The following LIFR variants were observed in gnomAD, a reference collection of about 807,000 sequenced individuals.
The protein encoded by LIFR is LIF receptor subunit alpha.
In LIFR, 84 loss-of-function variants were observed where a neutral mutation model predicts 122.2. That is an observed-to-expected ratio of 0.69 (90% CI 0.58 to 0.82). LIFR has a LOEUF of 0.82. Ranked by LOEUF, LIFR falls within the 40% of genes least tolerant of loss-of-function variation. LIFR has a pLI of 0.00. For synonymous variants in LIFR, 422 were observed against 434.7 expected, an observed-to-expected ratio of 0.97 and a Z score of 0.36; for missense variants, 1,294 against 1,311.6, an observed-to-expected ratio of 0.99 and a Z score of 0.21.
chr5:38,495,838 T>C (rs1275184530), intron 13 of LIFR, among the ~76,000 whole-genome samples: 2 of 152,196 alleles, frequency 1.3e-5, no homozygotes, highest in Admixed American at 1.3e-4. Flanking sequence ...GCACTAAATT[T>C]TAAAAACTAC....
At chr5:38,498,187 A>C (rs933261880) in intron 12 of LIFR, among the ~76,000 whole-genome samples, 1 of 152,184 alleles carries the variant, frequency 6.6e-6, no homozygotes, top group African/African-American at 2.4e-5. Flanking sequence ...GGCAGGCTTT[A>C]GTCCTAAGAC....
intron 5 of LIFR, among the ~76,000 whole-genome samples, chr5:38,519,080 GTCAAAATATT>G (rs1038719009): frequency 1.8e-4 from 28 of 152,320 alleles, no homozygotes; most frequent in African/African-American, 6.3e-4. Flanking sequence ...ATACAAAAGA[GTCAAAATATT>G]TTTTAAAAAT....
chr5:38,561,123 C>T (rs183195293), upstream of LIFR, among the ~76,000 whole-genome samples: 176 of 152,260 alleles, frequency 1.2e-3, no homozygotes, highest in African/African-American at 4.0e-3. Context: ...ACAGTTTCAT[C>T]AGGAGAAAGC....
chr5:38,605,077 C>T (rs180695410), intron 2 of LIFR, among the ~76,000 whole-genome samples: 19 of 152,124 alleles, frequency 1.2e-4, no homozygotes, highest in African/African-American at 3.1e-4. Flanking sequence ...AACAGGCCTC[C>T]GAGAGAATAG....
chr5:38,477,793 G>A lies in LIFR; in HGVS notation c.*3802C>T, dbSNP rs2112337754. On this transcript the variant is annotated 3_prime_UTR_variant, in exon 20 of 20. Coordinates refer to ENST00000453190, the MANE Select transcript of LIFR (RefSeq NM_001127671.2). ...CTCAGTCAAGAAAATTAGTTACTGA[G>A]CTTTCACGATGTGCCTAGTCTTTGT... The A allele has an allele frequency of 4.6e-6, 1 of 218,060 alleles. No individual in the cohort carries two copies. The highest frequency in any genetic ancestry group is 2.2e-5 in the African/African-American group (1 of 44,630). 13.5% of individuals were successfully genotyped at this position (218,060 alleles called of 1,614,324 possible).
At position 38,548,651 on chromosome 5, in the gene LIFR, A is replaced by C. The variant is rs1231131207; in HGVS notation, c.-20+7683T>G. Among the ~76,000 whole-genome samples, 9 of 152,230 alleles carry C rather than the reference A, an allele frequency of 5.9e-5. No homozygotes were observed. The East Asian group carries it at 1.3e-3, about 23-fold the overall frequency. ...CCCACTCTAACACCTCTATAAAAGGAAAGAAAGATCAGACCCTGACCTTCA... is the reference window on the plus strand; with the variant it reads ...CCCACTCTAACACCTCTATAAAAGGCAAGAAAGATCAGACCCTGACCTTCA... On this transcript the variant is annotated intron_variant, in intron 1 of 19. Transcript: ENST00000453190.
rs772312117 is a variant in LIFR at position 38,502,618 on chromosome 5, C to T, written c.1600+19G>A. 7.6e-6 allele frequency: 12 copies of T among 1,584,308 alleles called. No homozygotes were observed. In the East Asian group the frequency reaches 1.8e-4, roughly 24 times the overall value. On this transcript the variant is annotated intron_variant, in intron 11 of 19. Transcript: ENST00000453190. ...GAATACACAGTAATTATTAGCCATA[C>T]ATCACTTAGTTAACTTACTGGCTTC...
In LIFR at chr5:38,475,097, G is replaced by A. The variant is rs1003726332; in HGVS notation, c.*6498C>T. On this transcript the variant is annotated 3_prime_UTR_variant, in exon 20 of 20. Coordinates refer to ENST00000453190, the MANE Select transcript of LIFR (RefSeq NM_001127671.2). The stretch of plus-strand genomic sequence containing the variant: ...CCAAGCATACTAGTTTTACATTTAT[G>A]GTGTTTTAGTAATAGATTATTTTCT... 3.9e-5 allele frequency: 7 copies of A among 179,526 alleles called. No homozygotes were observed. The highest frequency in any genetic ancestry group is 1.7e-4 in the African/African-American group (7 of 42,408). The allele number at this position is 179,526 out of a possible 1,614,324, so 11.1% of individuals were successfully genotyped here.
chr5:38,490,282 C>A lies in LIFR; in HGVS notation c.2075G>T (p.Arg692Leu), dbSNP rs147691712. 4 of 1,475,644 alleles carry A rather than the reference C, an allele frequency of 2.7e-6. No individual in the cohort carries two copies. The South Asian group carries it at 3.5e-5, about 13-fold the overall frequency. The allele number at this position is 1,475,644 out of a possible 1,614,324, so 91.4% of individuals were successfully genotyped here. Residue 692 changes from arginine to leucine, a missense_variant, in exon 15 of 20, where the codon CGA becomes CTA. Physicochemically the swap from Arg to Leu is moderately radical, Grantham distance 102 (BLOSUM62 -2). Transcript: ENST00000453190. ...GAAAAAATTATATCTTATACCTGGT[C>A]GAAACTCATCTATAGGATGAACATA... ...TETVIESDEF[R>L]PGIRYNFFLY...
intron 1 of LIFR, among the ~76,000 whole-genome samples, chr5:38,585,779 T>C (rs1025542872): frequency 2.0e-5 from 3 of 152,086 alleles, no homozygotes; most frequent in Admixed American, 6.6e-5. Context: ...TCTACTTTAC[T>C]CTAAATAACA....
chr5:38,537,475 T>C (rs768427739), intron 1 of LIFR, among the ~76,000 whole-genome samples: 1 of 152,222 alleles, frequency 6.6e-6, no homozygotes, highest in African/African-American at 2.4e-5. Flanking sequence ...TCAATAAATA[T>C]AAAAGTCTAC....
intron 1 of LIFR, among the ~76,000 whole-genome samples, chr5:38,589,072 A>G (rs1194546886): frequency 6.7e-6 from 1 of 148,216 alleles, no homozygotes; most frequent in Non-Finnish European, 1.5e-5. Flanking sequence ...ATCTTGGCTC[A>G]CTGCTAGCTT....
intron 1 of LIFR, among the ~76,000 whole-genome samples, chr5:38,533,915 A>G (rs919252304): frequency 1.3e-5 from 2 of 152,234 alleles, no homozygotes; most frequent in African/African-American, 4.8e-5. Context: ...TCTTTTTGCC[A>G]TACAATAAGA....
At chr5:38,528,653 A>G (rs1214625299) in intron 3 of LIFR, 73 bp downstream of exon 3, 1 of 891,572 alleles carries the variant, frequency 1.1e-6, no homozygotes, top group Non-Finnish European at 1.8e-6. Context: ...TTTCACAAGC[A>G]ATAAGGTAAG....
chr5:38,557,941 A>G (rs1748671427), upstream of LIFR: 1 of 152,112 alleles, frequency 6.6e-6, no homozygotes, highest in Non-Finnish European at 1.5e-5. Flanking sequence ...ACCCCATTTA[A>G]GATGTTTACC....
At chr5:38,579,454 A>T (rs905559510) in intron 1 of LIFR, 1 of 152,198 alleles carries the variant, frequency 6.6e-6, no homozygotes, top group Admixed American at 6.5e-5. Flanking sequence ...TTTGGAAAAA[A>T]AAAAGAGGGG....
chr5:38,574,244 T>C (rs572340284), intron 1 of LIFR, among the ~76,000 whole-genome samples: 2 of 152,294 alleles, frequency 1.3e-5, no homozygotes, highest in Admixed American at 1.3e-4. Flanking sequence ...ACTGTCTCTT[T>C]TCCTTACACA....
chr5:38,539,631 T>C lies in LIFR; in HGVS notation c.-19-8965A>G, dbSNP rs1239205310. On this transcript the variant is annotated intron_variant, in intron 1 of 19. Coordinates refer to ENST00000453190, the MANE Select transcript of LIFR (RefSeq NM_001127671.2). ...AACCTGTTTGCTATACAAAAATTCA[T>C]TAATAAAAAGAATACTGGCTCAAAT... Among the ~76,000 whole-genome samples the C allele has an allele frequency of 3.3e-5, 5 of 152,106 alleles. No individual in the cohort carries two copies. In the South Asian group the frequency reaches 1.0e-3, roughly 32 times the overall value.
chr5:38,599,389 A>G (rs564797068), upstream of LIFR, among the ~76,000 whole-genome samples: 30 of 148,654 alleles, frequency 2.0e-4, no homozygotes, highest in Admixed American at 4.1e-4. Context: ...TCCACAGGGT[A>G]TGATAATAGT....
Sources: gnomAD v4.1 joint callset for allele counts (sites outside exome capture counted in the v4.1 genomes callset) on GRCh38, gnomAD v4.1.1 for gene constraint, MANE v1.5 for transcripts, NCBI Gene and HGNC (gene_info 2026-07-23, HGNC 2026-07-21) for gene names.